Variants in NCAPG observed in about 807,000 individuals in gnomAD.
NCAPG encodes non-SMC condensin I complex subunit G.
In NCAPG, 69 loss-of-function variants were observed where a neutral mutation model predicts 113.1. The ratio of observed to expected loss-of-function variants is 0.61; its 90% confidence interval spans 0.50 to 0.75. NCAPG has a LOEUF of 0.75. NCAPG is among the 30% of genes least tolerant of loss of function. The pLI is 0.00. For synonymous variants in NCAPG, 370 were observed against 415.8 expected (o/e 0.89, Z 1.34); for missense variants, 1,058 against 1,177.0 (o/e 0.90, Z 1.48).
chr4:17,842,738 G>A (rs1722537443), intron 20 of NCAPG: 1 of 195,276 alleles, frequency 5.1e-6, no homozygotes, highest in Non-Finnish European at 1.1e-5. Flanking sequence ...TCTATAATTT[G>A]GGTATATTGT....
chr4:17,815,146 G>A, intron 4 of NCAPG, 128 bp from the exon 5 acceptor site: 2 of 1,245,102 alleles, frequency 1.6e-6, no homozygotes, highest in African/African-American at 3.0e-5. Flanking sequence ...GAATCTTACT[G>A]TATTAAGTAT....
At chr4:17,815,420 G>A (rs1721162197) in intron 5 of NCAPG, 62 bp downstream of exon 5, 2 of 1,264,256 alleles carry the variant, frequency 1.6e-6, no homozygotes, top group South Asian at 1.4e-5. Context: ...ACTTAACAAG[G>A]TTTAAGAAAC....
intron 20 of NCAPG, 174 bp from the exon 21 acceptor site, chr4:17,843,128 T>C (rs1722582469): frequency 1.4e-5 from 8 of 583,330 alleles, no homozygotes; most frequent in Non-Finnish European, 2.3e-5. Context: ...CTTTGCTAGA[T>C]AGCCAAGTCA....
chr4:17,837,275 T>C lies in NCAPG; in HGVS notation c.2226T>C (p.Thr742=), dbSNP rs754816908. The C allele has an allele frequency of 1.6e-5, 26 of 1,613,924 alleles. 1 individual carries two copies. In the South Asian group the frequency reaches 2.6e-4, roughly 16 times the overall value. The part of the protein sequence containing the change: ...RLILLWYNPV[T]EEDVQLRHCL... Reference sequence around the variant, plus strand: ...TTTTGTTATGGTACAATCCTGTGACTGAAGAGGATGTTCAACTTCGACATT... The same window carrying C: ...TTTTGTTATGGTACAATCCTGTGACCGAAGAGGATGTTCAACTTCGACATT... The change falls in exon 15 of 21, where the codon ACT becomes ACC. Residue 742 remains threonine (T), a synonymous_variant. Coordinates refer to ENST00000251496, the MANE Select transcript of NCAPG (RefSeq NM_022346.5).
chr4:17,828,443 A>G, intron 12 of NCAPG, 55 bp downstream of exon 12: 1 of 973,334 alleles, frequency 1.0e-6, no homozygotes, highest in South Asian at 1.5e-5. Context: ...TTATTTTGTA[A>G]GTGATATGTT....
At chr4:17,817,200 A>T in intron 5 of NCAPG, 61 bp from the exon 6 acceptor site, 1 of 1,257,980 alleles carries the variant, frequency 7.9e-7, no homozygotes, top group Non-Finnish European at 1.1e-6. Context: ...AAACAGACAA[A>T]ATACAAGAGA....
In NCAPG at chr4:17,837,613, T is replaced by C; in HGVS notation, c.2292-14T>C. 6.3e-7 allele frequency: 1 copy of C among 1,596,938 alleles called. No homozygotes were observed. The highest frequency in any genetic ancestry group is 8.5e-7 in the Non-Finnish European group (1 of 1,172,652). Reference sequence around the variant, plus strand: ...AATGTTCTGCCAACATACTTTGAATTTGTTTCTCAATAGGACTAATCAGGA... The same window carrying C: ...AATGTTCTGCCAACATACTTTGAATCTGTTTCTCAATAGGACTAATCAGGA... On this transcript the variant is annotated splice_polypyrimidine_tract_variant and intron_variant, in intron 15 of 20. Coordinates refer to ENST00000251496, the MANE Select transcript of NCAPG (RefSeq NM_022346.5).
chr4:17,822,027 G>C (rs914467127), intron 7 of NCAPG, among the ~76,000 whole-genome samples: 3 of 151,884 alleles, frequency 2.0e-5, no homozygotes, highest in Non-Finnish European at 4.4e-5. Context: ...TGTATACAGA[G>C]ATTAGTAGGG....
chr4:17,836,039 CTG>C (rs1722080190), intron 14 of NCAPG, among the ~76,000 whole-genome samples: 1 of 152,210 alleles, frequency 6.6e-6, no homozygotes, highest in South Asian at 2.1e-4. Flanking sequence ...ACTTGACAAA[CTG>C]TTTTCCACAG....
At position 17,843,376 on chromosome 4, in the gene NCAPG, A is replaced by C. The variant is rs1722617007; in HGVS notation, c.2999A>C (p.Glu1000Ala). The stretch of plus-strand genomic sequence containing the variant: ...AGACGAGCCAAAACCGCAGCACTAG[A>C]AAAAAGTAAACTTAACCTTGCCCAA... ...LPRRAKTAAL[E>A]KSKLNLAQFL... Residue 1000 changes from glutamate to alanine, a missense_variant, in exon 21 of 21, where the codon GAA becomes GCA. Coordinates refer to ENST00000251496, the MANE Select transcript of NCAPG (RefSeq NM_022346.5). The C allele has an allele frequency of 6.2e-7, 1 of 1,612,114 alleles. No individual in the cohort carries two copies.
intron 7 of NCAPG, among the ~76,000 whole-genome samples, chr4:17,820,144 A>G (rs1456012659): frequency 6.6e-6 from 1 of 152,196 alleles, no homozygotes; most frequent in Admixed American, 6.5e-5. Flanking sequence ...TTTAAATGGC[A>G]TAAAGGGGGA....
Position 17,844,086 on chromosome 4 carries a change from T to C in NCAPG, c.*661T>C, listed in dbSNP as rs1722691398. 6.6e-6 allele frequency: 1 copy of C among 151,984 alleles called. No homozygotes were observed. The highest frequency in any genetic ancestry group is 6.6e-5 in the Admixed American group (1 of 15,260). The allele number at this position is 151,984 out of a possible 1,614,324, so 9.4% of individuals were successfully genotyped here. ...TTAGGGAGGTGTCAACATAAATGTATTATTAACCATGAAGCTGCTCGCTAT... is the reference window on the plus strand; with the variant it reads ...TTAGGGAGGTGTCAACATAAATGTACTATTAACCATGAAGCTGCTCGCTAT... On this transcript the variant is annotated 3_prime_UTR_variant, in exon 21 of 21. Coordinates refer to ENST00000251496, the MANE Select transcript of NCAPG (RefSeq NM_022346.5).
At position 17,839,704 on chromosome 4, in the gene NCAPG, T is replaced by A. The variant is rs143770571; in HGVS notation, c.2495T>A (p.Met832Lys). 1.3e-6 allele frequency: 2 copies of A among 1,563,486 alleles called. No individual in the cohort carries two copies. The highest frequency in any genetic ancestry group is 2.8e-5 in the African/African-American group (2 of 71,536). ...TTAACAGTACATGACAATTTGGCTA[T>A]GAAAATTTGCAATGAGATCTTAACA... Reference protein sequence around the residue: ...QALTVHDNLAMKICNEILTSP... With the variant: ...QALTVHDNLAKKICNEILTSP... The change falls in exon 17 of 21, where the codon ATG becomes AAG. Residue 832 changes from methionine to lysine, a missense_variant. Transcript: ENST00000251496.
chr4:17,831,226 A>G, intron 13 of NCAPG, 110 bp downstream of exon 13: 4 of 1,192,394 alleles, frequency 3.4e-6, no homozygotes, highest in Non-Finnish European at 4.6e-6. Flanking sequence ...GATGATTATT[A>G]TGGATAATCT....
chr4:17,837,143 A>G lies in NCAPG; in HGVS notation c.2110-16A>G. 1 of 1,609,220 alleles carries G rather than the reference A, an allele frequency of 6.2e-7. No individual in the cohort carries two copies. The highest frequency in any genetic ancestry group is 8.5e-7 in the Non-Finnish European group (1 of 1,177,332). On this transcript the variant is annotated splice_polypyrimidine_tract_variant and intron_variant, in intron 14 of 20. Transcript: ENST00000251496. ...GATACAAATAAATTTCTTCTAATGA[A>G]TGTCATCTTTGTTAGGTATCTGAAC... is the stretch of plus-strand genomic sequence containing the variant.
In NCAPG at chr4:17,825,538, A is replaced by C. The variant is rs1411688622; in HGVS notation, c.1630A>C (p.Ile544Leu). 1 of 1,594,702 alleles carries C rather than the reference A, an allele frequency of 6.3e-7. No individual in the cohort carries two copies. The highest frequency in any genetic ancestry group is 8.5e-7 in the Non-Finnish European group (1 of 1,175,060). Residue 544 changes from isoleucine (I) to leucine (L), a missense_variant, in exon 11 of 21, where the codon ATT becomes CTT. By Grantham distance (5) the Ile-to-Leu change is conservative. Transcript: ENST00000251496. ...NLLKETEQLE[I>L]KEVHIEKNDA... ...TTTGAAAGAGACAGAGCAACTTGAA[A>C]TTAAAGAAGTCCACATAGAGAAGGT...
rs1267150467 is a variant in NCAPG at position 17,811,180 on chromosome 4, T to C, written c.103T>C (p.Tyr35His). The change falls in exon 1 of 21, where the codon TAC (tyrosine) becomes CAC (histidine). Residue 35 changes from tyrosine (Y) to histidine (H), a missense_variant. Transcript: ENST00000251496. The surrounding 1 kb of genome is among the most constrained non-coding windows in gnomAD (Gnocchi z 5.3). ...AKLVVALSRT[Y>H]RTMDDKTVFH... ...GCTGGTGGTGGCGCTGAGCCGCACC[T>C]ACCGCACGGTAAGCGCTCCCGGCCC... is the stretch of plus-strand genomic sequence containing the variant. The C allele has an allele frequency of 4.2e-5, 62 of 1,482,182 alleles. No homozygotes were observed. The highest frequency in any genetic ancestry group is 5.5e-5 in the Non-Finnish European group (61 of 1,110,874). The allele number at this position is 1,482,182 out of a possible 1,614,324, so 91.8% of individuals were successfully genotyped here.
At chr4:17,818,647 G>C (rs914830856) in intron 7 of NCAPG, among the ~76,000 whole-genome samples, 1 of 152,130 alleles carries the variant, frequency 6.6e-6, no homozygotes, top group African/African-American at 2.4e-5. Context: ...CAGGTAATAG[G>C]CTGGATTTGA....
chr4:17,839,956 C>G, intron 17 of NCAPG, 115 bp from the exon 18 acceptor site: 1 of 1,442,022 alleles, frequency 6.9e-7, no homozygotes, highest in Non-Finnish European at 9.3e-7. Flanking sequence ...GAAGTATTTT[C>G]TTCATAAATT....
Sources: allele counts gnomAD v4.1 joint callset (sites outside exome capture counted in the v4.1 genomes callset), GRCh38; gene constraint gnomAD v4.1.1; non-coding constraint Gnocchi (gnomAD v3.1); transcripts MANE v1.5; gene names NCBI Gene and HGNC (gene_info 2026-07-23, HGNC 2026-07-21).